Variants in CHSY3 observed in about 807,000 individuals in gnomAD.
CHSY3 encodes N-acetylgalactosaminyl-proteoglycan 3-beta-glucuronosyltransferase 3.
CHSY3 carries 35 observed loss-of-function variants against 67.2 expected under a neutral mutation model. That is an observed-to-expected ratio of 0.52 (90% CI 0.40 to 0.69). The LOEUF (loss-of-function observed/expected upper bound fraction) is 0.69, where lower values mean the gene tolerates loss of function less well. CHSY3 is among the 30% of genes least tolerant of loss of function. The pLI is 0.00. For missense variants in CHSY3, 1,069 were observed against 1,138.5 expected, an observed-to-expected ratio of 0.94 and a Z score of 0.88; for synonymous variants, 474 against 434.7, an observed-to-expected ratio of 1.09 and a Z score of -1.12.
At chr5:130,141,164 G>T in intron 2 of CHSY3, 1 of 420,234 alleles carries the variant, frequency 2.4e-6, no homozygotes, top group South Asian at 2.0e-5. Context: ...CATCCTATCT[G>T]GAAGCAAATC....
rs552932140 is a variant in CHSY3 at position 129,965,268 on chromosome 5, T to C, written c.1086+56908T>C. 3.3e-5 allele frequency among the ~76,000 whole-genome samples: 5 copies of C among 152,076 alleles called. No individual in the cohort carries two copies. In the East Asian group the frequency reaches 9.7e-4, roughly 30 times the overall value. Reference sequence around the variant, plus strand: ...GGAAGTGATGTTACCTCTTTAGAACTGAGATTTGTCATCTGGAAAATTGGC... The same window carrying C: ...GGAAGTGATGTTACCTCTTTAGAACCGAGATTTGTCATCTGGAAAATTGGC... On this transcript the variant is annotated intron_variant, in intron 2 of 2. Coordinates refer to ENST00000305031, the MANE Select transcript of CHSY3 (RefSeq NM_175856.5).
At chr5:130,141,362 G>A (rs565679918) in intron 2 of CHSY3, 4 of 382,084 alleles carry the variant, frequency 1.0e-5, no homozygotes, top group South Asian at 9.7e-5. Context: ...AGGAGAGAGT[G>A]CCATGACCAA....
At chr5:130,110,108 C>A (rs1767543751) in intron 2 of CHSY3, among the ~76,000 whole-genome samples, 1 of 151,768 alleles carries the variant, frequency 6.6e-6, no homozygotes, top group Non-Finnish European at 1.5e-5. Context: ...GAAGAGCAAA[C>A]CTGGCTGCTT....
At chr5:130,171,152 A>C (rs1056092457) in intron 2 of CHSY3, among the ~76,000 whole-genome samples, 1 of 152,192 alleles carries the variant, frequency 6.6e-6, no homozygotes, top group African/African-American at 2.4e-5. Context: ...AAAGTTTACC[A>C]AATTTTTAAA....
At chr5:129,947,361 C>A (rs940796983) in intron 2 of CHSY3, among the ~76,000 whole-genome samples, 1 of 152,136 alleles carries the variant, frequency 6.6e-6, no homozygotes, top group African/African-American at 2.4e-5. Flanking sequence ...CAGTGGCCCA[C>A]ACCAGTAATC....
intron 2 of CHSY3, among the ~76,000 whole-genome samples, chr5:130,159,159 G>GTT (rs1769454690): frequency 1.2e-5 from 1 of 81,346 alleles, no homozygotes; most frequent in Non-Finnish European, 2.5e-5. Flanking sequence ...ATTAAGATTT[G>GTT]TCTTTTTTTT....
chr5:129,939,114 G>C (rs1346104021), intron 2 of CHSY3, among the ~76,000 whole-genome samples: 2 of 152,190 alleles, frequency 1.3e-5, no homozygotes, highest in Non-Finnish European at 2.9e-5. Flanking sequence ...AAGCTTACAG[G>C]GAAGTAGGCA....
At chr5:130,009,163 C>T (rs1186109806) in intron 2 of CHSY3, among the ~76,000 whole-genome samples, 3 of 152,066 alleles carry the variant, frequency 2.0e-5, no homozygotes, top group African/African-American at 7.2e-5. Context: ...ACATCATCGT[C>T]GTATTCTTCA....
intron 2 of CHSY3, among the ~76,000 whole-genome samples, chr5:129,963,475 T>A (rs1267488308): frequency 3.9e-5 from 6 of 152,154 alleles, no homozygotes; most frequent in Non-Finnish European, 7.4e-5. Context: ...TTAACACTAT[T>A]CTGGTCACGG....
chr5:130,160,178 A>G (rs1021418767), intron 2 of CHSY3, among the ~76,000 whole-genome samples: 4 of 152,220 alleles, frequency 2.6e-5, no homozygotes, highest in Non-Finnish European at 5.9e-5. Context: ...TAGAAAGATT[A>G]TGTAAATTGG....
chr5:130,129,562 C>T (rs1768413962), intron 2 of CHSY3, among the ~76,000 whole-genome samples: 1 of 152,036 alleles, frequency 6.6e-6, no homozygotes, highest in Admixed American at 6.6e-5. Flanking sequence ...ATTTATAAAA[C>T]TAATAAAAAT....
chr5:130,098,897 T>A (rs959852321), intron 2 of CHSY3, among the ~76,000 whole-genome samples: 3 of 152,220 alleles, frequency 2.0e-5, no homozygotes, highest in Admixed American at 1.3e-4. Flanking sequence ...TAATTATTAG[T>A]GTTTTCTAAT....
At chr5:129,953,146 C>A (rs1024229223) in intron 2 of CHSY3, among the ~76,000 whole-genome samples, 24 of 152,022 alleles carry the variant, frequency 1.6e-4, no homozygotes, top group Non-Finnish European at 2.6e-4. Context: ...CTACCCCCAA[C>A]AGGTCCCAAT....
chr5:129,934,421 C>T (rs1580549313), intron 2 of CHSY3, among the ~76,000 whole-genome samples: 1 of 151,912 alleles, frequency 6.6e-6, no homozygotes, highest in East Asian at 1.9e-4. Context: ...AATAAACAAA[C>T]ATAGTGGTTT....
intron 2 of CHSY3, among the ~76,000 whole-genome samples, chr5:129,964,643 A>G (rs1762423207): frequency 6.6e-6 from 1 of 151,848 alleles, no homozygotes; most frequent in African/African-American, 2.4e-5. Flanking sequence ...GGATTGAATT[A>G]TTCAGGGCAA....
chr5:130,022,853 T>C (rs762671455), intron 2 of CHSY3, among the ~76,000 whole-genome samples: 32 of 151,974 alleles, frequency 2.1e-4, no homozygotes, highest in Non-Finnish European at 3.4e-4. Flanking sequence ...ATCTTGCTTT[T>C]GTGTGTTCAG....
intron 2 of CHSY3, among the ~76,000 whole-genome samples, chr5:130,128,405 A>G (rs1240290669): frequency 6.6e-6 from 1 of 152,080 alleles, no homozygotes; most frequent in East Asian, 1.9e-4. Context: ...CATTATGCTA[A>G]GTGAAATAAG....
At chr5:130,001,400 A>G in intron 2 of CHSY3, 2 of 890,380 alleles carry the variant, frequency 2.2e-6, no homozygotes, top group Non-Finnish European at 2.7e-6. Context: ...TTTCCTCCAG[A>G]GTTAGTAGGC....
intron 2 of CHSY3, among the ~76,000 whole-genome samples, chr5:129,909,415 T>C (rs577176132): frequency 6.6e-6 from 1 of 152,190 alleles, no homozygotes; most frequent in African/African-American, 2.4e-5. Context: ...ACACACAGTT[T>C]CATTTGTTTT....
Sources: gnomAD v4.1 joint callset for allele counts (sites outside exome capture counted in the v4.1 genomes callset) on GRCh38, gnomAD v4.1.1 for gene constraint, MANE v1.5 for transcripts, NCBI Gene and HGNC (gene_info 2026-07-23, HGNC 2026-07-21) for gene names.